MS4A14: variants seen among roughly 807,000 people sequenced by gnomAD.
The protein encoded by MS4A14 is membrane spanning 4-domains A14.
In MS4A14, 18 loss-of-function variants were observed where a neutral mutation model predicts 16.7. That is an observed-to-expected ratio of 1.08 (90% confidence interval 0.75 to 1.60). The LOEUF is 1.60. Among genes scored for constraint, MS4A14 ranks in the 40% most tolerant of loss-of-function variants. The pLI, the probability that MS4A14 is intolerant of heterozygous loss-of-function variation, is 0.00. For missense variants in MS4A14, 812 were observed against 775.3 expected (o/e 1.05, Z -0.56); for synonymous variants, 305 against 289.4 (o/e 1.05, Z -0.55).
chr11:60,403,086 G>A (rs2085739036), intron 4 of MS4A14, 25 bp downstream of exon 4: 1 of 1,608,028 alleles, frequency 6.2e-7, no homozygotes, highest in South Asian at 1.1e-5. Context: ...TTTGCATGAA[G>A]AATCCCTAAA....
At chr11:60,400,271 C>T (rs2304938) in intron 2 of MS4A14, 133 bp from the exon 3 acceptor site, 43,786 of 562,430 alleles carry the variant, frequency 0.078, 2,261 homozygotes, top group South Asian at 0.21. Context: ...TTCCCTACTC[C>T]CTGATGCTCA....
chr11:60,408,240 C>A (rs556256525), intron 4 of MS4A14, among the ~76,000 whole-genome samples: 4 of 152,272 alleles, frequency 2.6e-5, no homozygotes, highest in African/African-American at 9.6e-5. Flanking sequence ...CTGGCCACTA[C>A]GTCTATCCTT....
At chr11:60,404,936 CA>C (rs1317909334) in intron 4 of MS4A14, among the ~76,000 whole-genome samples, 2 of 152,302 alleles carry the variant, frequency 1.3e-5, no homozygotes, top group African/African-American at 4.8e-5. Context: ...TGGAGAAAGT[CA>C]GTAAATTGCA....
chr11:60,413,011 T>C (rs775133114), intron 4 of MS4A14, among the ~76,000 whole-genome samples: 3 of 151,966 alleles, frequency 2.0e-5, no homozygotes, highest in Non-Finnish European at 4.4e-5. Context: ...ACATCTCATT[T>C]CATTTCTCTC....
chr11:60,411,771 T>G (rs1158481862), intron 4 of MS4A14, among the ~76,000 whole-genome samples: 1 of 152,188 alleles, frequency 6.6e-6, no homozygotes, highest in Non-Finnish European at 1.5e-5. Flanking sequence ...TTTTATTTTC[T>G]AATAGCTCTA....
At chr11:60,403,168 A>G in intron 4 of MS4A14, 107 bp downstream of exon 4, 1 of 1,247,912 alleles carries the variant, frequency 8.0e-7, no homozygotes, top group Non-Finnish European at 1.2e-6. Flanking sequence ...TTGTGTCAGC[A>G]TTTGAACTGA....
At chr11:60,413,562 A>G (rs1382461274) in intron 4 of MS4A14, among the ~76,000 whole-genome samples, 3 of 151,914 alleles carry the variant, frequency 2.0e-5, no homozygotes, top group Non-Finnish European at 2.9e-5. Context: ...TATTATCTGT[A>G]TATTACACAA....
At position 60,409,779 on chromosome 11, in the gene MS4A14, T is replaced by C. The variant is rs1009072279; in HGVS notation, c.469-5658T>C. Among the ~76,000 whole-genome samples the C allele has an allele frequency of 2.0e-5, 3 of 151,540 alleles. No homozygotes were observed. In the South Asian group the frequency reaches 6.2e-4, roughly 32 times the overall value. On this transcript the variant is annotated intron_variant, in intron 4 of 4. Transcript: ENST00000300187. ...ATTTGTTTTTATCATGGCCATCTTT[T>C]TTCTTTCTTTCTTTCCTTCTTTCCT...
intron 3 of MS4A14, 40 bp downstream of exon 3, chr11:60,400,494 T>C: frequency 1.4e-6 from 2 of 1,396,748 alleles, no homozygotes; most frequent in Non-Finnish European, 2.0e-6. Context: ...AATCTTCTAT[T>C]TGTTTTATAT....
In MS4A14 at chr11:60,409,111, C is replaced by T. The variant is rs183150073; in HGVS notation, c.468+6050C>T. Among the ~76,000 whole-genome samples the T allele has an allele frequency of 4.6e-5, 7 of 152,208 alleles. No individual in the cohort carries two copies. In the East Asian group the frequency reaches 1.3e-3, roughly 29 times the overall value. Reference sequence around the variant, plus strand: ...TCTAATGATCAAATCATGGTAATTACCACATTCATCACTTTAAACATCATT... The same window carrying T: ...TCTAATGATCAAATCATGGTAATTATCACATTCATCACTTTAAACATCATT... On this transcript the variant is annotated intron_variant, in intron 4 of 4. Transcript: ENST00000300187.
chr11:60,414,489 A>G (rs760305069), intron 4 of MS4A14, among the ~76,000 whole-genome samples: 10 of 152,220 alleles, frequency 6.6e-5, no homozygotes, highest in Non-Finnish European at 7.4e-5. Flanking sequence ...CTGACTATGA[A>G]TTATCTCAGA....
In MS4A14 at chr11:60,416,856, C is replaced by T. The variant is rs528673260; in HGVS notation, c.1888C>T (p.Gln630Ter). The change falls in exon 5 of 5, where the codon CAA becomes TAA. Residue 630 changes from glutamine to a stop codon, truncating the protein, a stop_gained. Coordinates refer to ENST00000300187, the MANE Select transcript of MS4A14 (RefSeq NM_032597.5). LOFTEE classifies it low-confidence loss of function (END_TRUNC). ...QFQNVQAEGQ[Q>*]AQVEKVPKLL... The stretch of plus-strand genomic sequence containing the variant: ...CCAAAATGTTCAAGCCGAAGGACAG[C>T]AAGCTCAGGTGGAGAAAGTGCCAAA... The T allele has an allele frequency of 1.3e-4, 216 of 1,613,738 alleles. 1 individual carries two copies. The South Asian group carries it at 2.1e-3, about 16-fold the overall frequency.
chr11:60,412,862 C>T (rs7926219), intron 4 of MS4A14, among the ~76,000 whole-genome samples: 86,343 of 151,646 alleles, frequency 0.57, 25,065 homozygotes, highest in Middle Eastern at 0.67. Context: ...TTTTAGAATT[C>T]GTTTATTGAT....
chr11:60,396,565 T>G lies in MS4A14; in HGVS notation c.-14T>G, dbSNP rs535962478. 26 of 1,612,076 alleles carry G rather than the reference T, an allele frequency of 1.6e-5. No individual in the cohort carries two copies. Among genetic ancestry groups the G allele is most frequent in the Non-Finnish European group, 2.2e-5 (26 of 1,179,156 alleles). On this transcript the variant is annotated 5_prime_UTR_variant, in exon 1 of 5. Transcript: ENST00000300187. ...TGCTCACTCTTTCCCTTACTAGAGT[T>G]CTGCCATAGAATCATGGAGTCAACA...
chr11:60,415,163 A>G (rs1049036360), intron 4 of MS4A14, among the ~76,000 whole-genome samples: 1 of 152,154 alleles, frequency 6.6e-6, no homozygotes, highest in Non-Finnish European at 1.5e-5. Flanking sequence ...AAAATGTCTC[A>G]GAAGCTTTAT....
Position 60,399,740 on chromosome 11 carries a change from A to G in MS4A14, c.268-664A>G, listed in dbSNP as rs143073191. Reference sequence around the variant, plus strand: ...GTGACTCGGAGGTAGAAGTGACAGGACTTGGCAATCCAATGTGGGGAGTGA... The same window carrying G: ...GTGACTCGGAGGTAGAAGTGACAGGGCTTGGCAATCCAATGTGGGGAGTGA... On this transcript the variant is annotated intron_variant, in intron 2 of 4. Coordinates refer to ENST00000300187, the MANE Select transcript of MS4A14 (RefSeq NM_032597.5). Among the ~76,000 whole-genome samples, 264 of 152,268 alleles carry G rather than the reference A, an allele frequency of 1.7e-3. 2 individuals are homozygous for G. The highest frequency in any genetic ancestry group is 5.8e-3 in the African/African-American group (243 of 41,550).
chr11:60,403,318 A>G, intron 4 of MS4A14: 1 of 463,752 alleles, frequency 2.2e-6, no homozygotes, highest in Non-Finnish European at 3.9e-6. Context: ...TCAAGTGGAA[A>G]ATGAACATAA....
intron 1 of MS4A14, among the ~76,000 whole-genome samples, chr11:60,397,443 G>A (rs904634508): frequency 2.0e-5 from 3 of 152,098 alleles, no homozygotes; most frequent in African/African-American, 7.2e-5. Context: ...TGGAAAATGT[G>A]GGGGTGGGGG....
intron 4 of MS4A14, among the ~76,000 whole-genome samples, chr11:60,412,846 C>T (rs2085887119): frequency 6.6e-6 from 1 of 151,916 alleles, no homozygotes; most frequent in Admixed American, 6.5e-5. Flanking sequence ...TGAATTTCCA[C>T]ATAAGTTTTA....
Sources: allele counts gnomAD v4.1 joint callset (sites outside exome capture counted in the v4.1 genomes callset), GRCh38; gene constraint gnomAD v4.1.1; transcripts MANE v1.5; gene names NCBI Gene and HGNC (gene_info 2026-07-23, HGNC 2026-07-21).